The following CFAP92 variants were observed in gnomAD, a reference collection of about 807,000 sequenced individuals.
CFAP92 encodes the protein cilia and flagella associated protein 92 (putative), also known as uncharacterized protein CFAP92.
In CFAP92, 86 loss-of-function variants were observed where a neutral mutation model predicts 106.3. That is an observed-to-expected ratio of 0.81 (90% CI 0.68 to 0.97). The LOEUF (loss-of-function observed/expected upper bound fraction) is 0.97, where lower values mean the gene tolerates loss of function less well. Ranked by LOEUF, CFAP92 falls within the 50% of genes least tolerant of loss-of-function variation. The pLI is 0.00. For synonymous variants in CFAP92, 477 were observed against 506.4 expected, an observed-to-expected ratio of 0.94 and a Z score of 0.78; for missense variants, 1,204 against 1,283.8, an observed-to-expected ratio of 0.94 and a Z score of 0.95.
At chr3:128,933,861 CCCGA>C (rs1301090089) in intron 11 of CFAP92, among the ~76,000 whole-genome samples, 1 of 152,174 alleles carries the variant, frequency 6.6e-6, no homozygotes, top group Non-Finnish European at 1.5e-5. Flanking sequence ...GCCTCTTAGC[CCCGA>C]CCAAGTTCTT....
rs755640794 is a variant in CFAP92, at chr3:128,993,966, G to C, written c.-33+14C>G. 3 of 987,696 alleles carry C rather than the reference G, an allele frequency of 3.0e-6. No individual in the cohort carries two copies. The highest frequency in any genetic ancestry group is 9.3e-5 in the South Asian group (2 of 21,582). 61.2% of individuals were successfully genotyped at this position (987,696 alleles called of 1,614,324 possible). On this transcript the variant is annotated intron_variant, in intron 1 of 15. Transcript: ENST00000645291. ...GGGCAGGGGTCGGGGTTCCCCTCCA[G>C]GTGCTGGCGGTACCTGCGAGCGGAT...
chr3:128,943,751 G>A (rs1234559604), intron 10 of CFAP92, among the ~76,000 whole-genome samples: 1 of 151,598 alleles, frequency 6.6e-6, no homozygotes, highest in Non-Finnish European at 1.5e-5. Flanking sequence ...TGGCCAGACT[G>A]GTCCCGAACT....
chr3:128,942,769 G>A (rs997874037), intron 10 of CFAP92, among the ~76,000 whole-genome samples: 1 of 151,960 alleles, frequency 6.6e-6, no homozygotes, highest in Non-Finnish European at 1.5e-5. Flanking sequence ...CCGCCCACGG[G>A]TTCAAGCAAT....
intron 9 of CFAP92, among the ~76,000 whole-genome samples, chr3:128,962,732 T>C (rs937088661): frequency 6.6e-6 from 1 of 152,184 alleles, no homozygotes; most frequent in Non-Finnish European, 1.5e-5. Flanking sequence ...AAGCCTGTGA[T>C]CACTCGCCTG....
chr3:128,933,788 T>G (rs1938669874), intron 11 of CFAP92, among the ~76,000 whole-genome samples: 2 of 152,138 alleles, frequency 1.3e-5, no homozygotes, highest in Non-Finnish European at 2.9e-5. Flanking sequence ...GGGTCTGGCC[T>G]CCTTCCAAAT....
At chr3:128,993,746 G>A in intron 1 of CFAP92, 1 of 294,190 alleles carries the variant, frequency 3.4e-6, no homozygotes, top group East Asian at 8.9e-5. Context: ...ACCAGGCCGG[G>A]GGCAGCACGT....
At chr3:128,943,633 T>C (rs1939886474) in intron 10 of CFAP92, among the ~76,000 whole-genome samples, 1 of 152,074 alleles carries the variant, frequency 6.6e-6, no homozygotes, top group Admixed American at 6.6e-5. Flanking sequence ...TCTCCAGGGT[T>C]CAAGGAATTC....
At chr3:128,970,900 A>G (rs1942741967) in intron 8 of CFAP92, 3 of 233,590 alleles carry the variant, frequency 1.3e-5, no homozygotes, top group Non-Finnish European at 2.5e-5. Context: ...GGCTCAGTCA[A>G]AAAGGGTTCC....
At chr3:128,977,393 T>C (rs1247832112) in intron 5 of CFAP92, among the ~76,000 whole-genome samples, 1 of 152,150 alleles carries the variant, frequency 6.6e-6, no homozygotes, top group African/African-American at 2.4e-5. Context: ...TTCCCAACCA[T>C]AGGGAATGGT....
upstream of CFAP92, chr3:129,003,966 AGGTGGTGCT>A (rs762331086): frequency 6.9e-7 from 1 of 1,451,364 alleles, no homozygotes; most frequent in South Asian, 1.3e-5. Flanking sequence ...GAGGCCCGGC[AGGTGGTGCT>A]GCGCAGCCTG....
Position 128,987,749 on chromosome 3 carries a change from T to C in CFAP92, c.534A>G (p.Leu178=), listed in dbSNP as rs1943947886. Residue 178 remains leucine, a synonymous_variant, in exon 4 of 16, where the codon TTA becomes TTG. Coordinates refer to ENST00000645291, the MANE Select transcript of CFAP92 (RefSeq NM_001394090.1). The part of the protein sequence containing the change: ...QTFNITVTKE[L]LKKINFHKIT... ...TTTTGTGGAAATTTATTTTCTTTAA[T>C]AATTCCTTTGTCACAGTGATATTAA... is the stretch of plus-strand genomic sequence containing the variant. 2 of 1,614,022 alleles carry C rather than the reference T, an allele frequency of 1.2e-6. No homozygotes were observed. Among genetic ancestry groups the C allele is most frequent in the African/African-American group, 2.7e-5 (2 of 75,074 alleles).
chr3:128,986,526 T>A lies in CFAP92; in HGVS notation c.667+1090A>T, dbSNP rs146713549. Among the ~76,000 whole-genome samples the A allele has an allele frequency of 3.7e-4, 57 of 152,336 alleles. No individual in the cohort carries two copies. In the East Asian group the frequency reaches 7.1e-3, roughly 19 times the overall value. ...ATGAGCCACTGTACCTGCCTTTTTT[T>A]AATTTTTAACATCTCTAAGCATCAG... On this transcript the variant is annotated intron_variant, in intron 4 of 15. Coordinates refer to ENST00000645291, the MANE Select transcript of CFAP92 (RefSeq NM_001394090.1).
chr3:128,932,286 C>CA (rs989164410), intron 12 of CFAP92, among the ~76,000 whole-genome samples: 1 of 152,106 alleles, frequency 6.6e-6, no homozygotes, highest in Admixed American at 6.5e-5. Context: ...CTCAGTCTCC[C>CA]ATTCTCTCCC....
intron 2 of CFAP92, among the ~76,000 whole-genome samples, chr3:128,992,136 C>T (rs1944252538): frequency 6.6e-6 from 1 of 152,230 alleles, no homozygotes; most frequent in Non-Finnish European, 1.5e-5. Context: ...CCCAGCACCT[C>T]CAGGAGAACC....
At chr3:128,980,085 T>A (rs1192802122) in intron 4 of CFAP92, among the ~76,000 whole-genome samples, 1 of 151,350 alleles carries the variant, frequency 6.6e-6, no homozygotes, top group East Asian at 1.9e-4. Flanking sequence ...TAAAATATAT[T>A]ACAGGCTGGG....
intron 12 of CFAP92, among the ~76,000 whole-genome samples, chr3:128,927,333 G>GAAGA (rs1357992607): frequency 6.7e-6 from 1 of 149,722 alleles, no homozygotes; most frequent in African/African-American, 2.5e-5. Flanking sequence ...AGGAAGGAAG[G>GAAGA]AAGAGTATCC....
chr3:128,998,794 A>C (rs1944576819), upstream of CFAP92, among the ~76,000 whole-genome samples: 1 of 152,190 alleles, frequency 6.6e-6, no homozygotes, highest in Non-Finnish European at 1.5e-5. Context: ...TGTGCAAAGA[A>C]AGATCCCAAT....
the CFAP92 span, among the ~76,000 whole-genome samples, chr3:129,014,371 A>G: frequency 1.3e-5 from 2 of 152,306 alleles, no homozygotes; most frequent in South Asian, 4.1e-4. The surrounding 1 kb of genome is among the most constrained non-coding windows in gnomAD (Gnocchi z 4.3). Flanking sequence ...GTGGAGGCTG[A>G]CCAGAGTGCG....
upstream of CFAP92, among the ~76,000 whole-genome samples, chr3:128,995,950 C>G (rs1347364002): frequency 6.6e-6 from 1 of 152,200 alleles, no homozygotes; most frequent in Non-Finnish European, 1.5e-5. Flanking sequence ...GTCTAGTCTC[C>G]TTCTCTGGAA....
Sources: gnomAD v4.1 joint callset for allele counts (sites outside exome capture counted in the v4.1 genomes callset) on GRCh38, gnomAD v4.1.1 for gene constraint, Gnocchi (gnomAD v3.1) non-coding constraint, MANE v1.5 for transcripts, NCBI Gene and HGNC (gene_info 2026-07-23, HGNC 2026-07-21) for gene names.